Variants in RGS9 observed in about 807,000 individuals in gnomAD.
RGS9 encodes the protein regulator of G-protein signalling 9.
In RGS9, 78 loss-of-function variants were observed where a neutral mutation model predicts 102.0. That is an observed-to-expected ratio of 0.76 (90% CI 0.64 to 0.92). The LOEUF is 0.92. Among genes scored for constraint, RGS9 ranks in the 40% least tolerant of loss-of-function variants. The probability of loss-of-function intolerance (pLI) is 0.00; values close to 1 mark genes in which losing one functional copy is unlikely to be tolerated. For synonymous variants in RGS9, 353 were observed against 318.6 expected (o/e 1.11, Z -1.15); for missense variants, 833 against 866.1 (o/e 0.96, Z 0.48).
intron 4 of RGS9, 22 bp from the exon 5 acceptor site, chr17:65,160,514 G>A (rs1277911324): frequency 6.2e-6 from 10 of 1,614,162 alleles, no homozygotes; most frequent in Admixed American, 1.7e-5. Context: ...TTAAAGCGTG[G>A]TTTCCCTGGT....
chr17:65,161,170 C>T (rs573627921), intron 6 of RGS9, among the ~76,000 whole-genome samples: 73 of 152,362 alleles, frequency 4.8e-4, no homozygotes, highest in African/African-American at 1.7e-3. Flanking sequence ...CTACCCACTT[C>T]CTTTTGCCAT....
In RGS9 at chr17:65,177,789, G is replaced by A; in HGVS notation, c.640G>A (p.Val214Ile). Residue 214 changes from valine to isoleucine, a missense_variant, in exon 9 of 19, where the codon GTC becomes ATC. This residue lies in a region of RGS9 where 328 missense variants were observed against 340.6 expected (regional missense o/e 0.96). Coordinates refer to ENST00000262406, the MANE Select transcript of RGS9 (RefSeq NM_003835.4). ...GLDRVTNPNE[V>I]KVNQKQTVVA... ...GGACCGAGTGACCAATCCGAATGAA[G>A]TCAAGGTAAACCAGGTATGTCTCTG... 2 of 1,614,218 alleles carry A rather than the reference G, an allele frequency of 1.2e-6. No homozygotes were observed. The highest frequency in any genetic ancestry group is 1.7e-6 in the Non-Finnish European group (2 of 1,180,006).
At chr17:65,210,848 T>C (rs1913266735) in intron 17 of RGS9, among the ~76,000 whole-genome samples, 1 of 152,070 alleles carries the variant, frequency 6.6e-6, no homozygotes, top group Non-Finnish European at 1.5e-5. Context: ...CCAAGCCCAC[T>C]CATCAGGGGA....
At position 65,197,656 on chromosome 17, in the gene RGS9, T is replaced by TTTTC. The variant is rs1340166478; in HGVS notation, c.976+419_976+422dup. On this transcript the variant is annotated intron_variant, in intron 13 of 18. Coordinates refer to ENST00000262406, the MANE Select transcript of RGS9 (RefSeq NM_003835.4). Reference sequence around the variant, plus strand: ...TTTTGTCTCCCAGCCTGATTTTCTTTTTTCTTTGTTTCTTTCTTTTTTTTT... The same window carrying TTTTC: ...TTTTGTCTCCCAGCCTGATTTTCTTTTTTCTTTCTTTGTTTCTTTCTTTTTTTTT... Among the ~76,000 whole-genome samples the TTTTC allele has an allele frequency of 7.2e-5, 11 of 152,104 alleles. No homozygotes were observed. The South Asian group carries it at 1.0e-3, about 14-fold the overall frequency.
Position 65,225,059 on chromosome 17 carries a change from C to A in RGS9, c.1465C>A (p.Pro489Thr). ...GACCGTGTACACCGGGACCTGCATG[C>A]CCCCGTCTCCTTCTAGCCCCTTCTC... ...HLTVYTGTCM[P>T]PSPSSPFSSS... Residue 489 changes from proline (P) to threonine (T), a missense_variant, in exon 18 of 19, where the codon CCC (proline) becomes ACC (threonine). Around this residue, in one of 3 missense-constraint regions of RGS9, gnomAD observed 320 missense variants for 276.8 expected, o/e 1.16. Transcript: ENST00000262406. 2 of 1,613,888 alleles carry A rather than the reference C, an allele frequency of 1.2e-6. No homozygotes were observed. Among genetic ancestry groups the A allele is most frequent in the Non-Finnish European group, 1.7e-6 (2 of 1,179,920 alleles).
chr17:65,185,462 A>G (rs1598597287), intron 9 of RGS9: 1 of 153,032 alleles, frequency 6.5e-6, no homozygotes, highest in Middle Eastern at 3.4e-3. Flanking sequence ...GGAATTGGGC[A>G]TCAGTTTCTG....
intron 9 of RGS9, among the ~76,000 whole-genome samples, chr17:65,179,635 CTGTGTGTGTGTG>C (rs56275900): frequency 0.023 from 2,822 of 125,082 alleles, 25 homozygotes; most frequent in South Asian, 0.044. Flanking sequence ...TACTGCTCAG[CTGTGTGTGTGTG>C]TGTGTGTGTG....
intron 7 of RGS9, among the ~76,000 whole-genome samples, chr17:65,165,077 A>T (rs1440190429): frequency 6.6e-6 from 1 of 152,098 alleles, no homozygotes; most frequent in Non-Finnish European, 1.5e-5. Context: ...GGACACAGAG[A>T]TGGGTAAGAT....
chr17:65,179,808 C>T (rs1180097117), intron 9 of RGS9, among the ~76,000 whole-genome samples: 2 of 152,044 alleles, frequency 1.3e-5, no homozygotes, highest in Non-Finnish European at 2.9e-5. Flanking sequence ...GAGGAGGCAT[C>T]TTTGTGCTCC....
At chr17:65,144,619 G>C (rs1377718841) in intron 1 of RGS9, among the ~76,000 whole-genome samples, 2 of 152,222 alleles carry the variant, frequency 1.3e-5, no homozygotes, top group South Asian at 2.1e-4. Flanking sequence ...GTCTGTTTGG[G>C]AGTGAGAGTG....
At chr17:65,138,813 A>G (rs796188929) in intron 1 of RGS9, among the ~76,000 whole-genome samples, 15 of 152,152 alleles carry the variant, frequency 9.9e-5, no homozygotes, top group African/African-American at 3.4e-4. Context: ...TCAAGAGATA[A>G]ATTCAGTTTG....
In RGS9 at chr17:65,173,946, T is replaced by C. The variant is rs897457273; in HGVS notation, c.583-3786T>C. Among the ~76,000 whole-genome samples the C allele has an allele frequency of 8.5e-5, 13 of 152,148 alleles. No homozygotes were observed. The highest frequency in any genetic ancestry group is 2.6e-4 in the Admixed American group (4 of 15,274). On this transcript the variant is annotated intron_variant, in intron 8 of 18. Coordinates refer to ENST00000262406, the MANE Select transcript of RGS9 (RefSeq NM_003835.4). This position sits in a 1 kb window ranked among gnomAD's most constrained non-coding sequence, Gnocchi z 4.8. ...GAACTGGAAAAGGACCACAGCTTGA[T>C]TGGGAACAACTGAGACTTAAGGGCT...
At chr17:65,145,651 T>C (rs1008884739) in intron 1 of RGS9, among the ~76,000 whole-genome samples, 2 of 152,002 alleles carry the variant, frequency 1.3e-5, no homozygotes, top group Middle Eastern at 3.4e-3. Context: ...CATCTCAGCC[T>C]CCCAAATTGC....
At chr17:65,145,851 G>A (rs1910338411) in intron 1 of RGS9, among the ~76,000 whole-genome samples, 1 of 150,498 alleles carries the variant, frequency 6.6e-6, no homozygotes, top group South Asian at 2.1e-4. Context: ...CGCCTCAGAG[G>A]AATTTGTACG....
chr17:65,160,956 T>C (rs769550434), intron 6 of RGS9, 47 bp downstream of exon 6: 2 of 1,485,814 alleles, frequency 1.3e-6, no homozygotes, highest in African/African-American at 2.8e-5. Flanking sequence ...GAGTGGAAGA[T>C]AGTTTTGAGC....
rs1913687231 is a variant in RGS9, at chr17:65,220,988, G to C, written c.1408-4014G>C. On this transcript the variant is annotated intron_variant, in intron 17 of 18. Coordinates refer to ENST00000262406, the MANE Select transcript of RGS9 (RefSeq NM_003835.4). ...GCTGCCTCACACCAATGGTAGGTGG[G>C]GCATGGGCTGGAGGGGCTGGGTCTC... 1.3e-5 allele frequency among the ~76,000 whole-genome samples: 2 copies of C among 152,190 alleles called. 1 individual carries two copies. Among genetic ancestry groups the C allele is most frequent in the South Asian group, 4.1e-4 (2 of 4,824 alleles).
Position 65,189,458 on chromosome 17 carries a change from A to G in RGS9, c.684+143A>G, listed in dbSNP as rs543479524. 2.5e-4 allele frequency: 185 copies of G among 733,770 alleles called. No individual in the cohort carries two copies. In the African/African-American group the frequency reaches 3.1e-3, roughly 12 times the overall value. 45.5% of individuals were successfully genotyped at this position (733,770 alleles called of 1,614,324 possible). A position where few individuals can be genotyped will look rare whatever the true frequency, so the allele number is the denominator to read the frequency against. On this transcript the variant is annotated intron_variant, in intron 10 of 18. Transcript: ENST00000262406. ...AATTATTTCCAAATTCACGGACAGC[A>G]CAGAGTGACGAAGCATCTTCTGTAA...
rs924052876 is a variant in RGS9 at position 65,173,606 on chromosome 17, G to A, written c.583-4126G>A. On this transcript the variant is annotated intron_variant, in intron 8 of 18. Transcript: ENST00000262406. This position sits in a 1 kb window ranked among gnomAD's most constrained non-coding sequence, Gnocchi z 4.8. ...TCCTCAGGGTGGAGGAGGGGAGCTT[G>A]CATGTCTCTGAAGGCTTCCTGCATG... Among the ~76,000 whole-genome samples the A allele has an allele frequency of 2.0e-5, 3 of 152,358 alleles. No individual in the cohort carries two copies. The East Asian group carries it at 5.8e-4, about 29-fold the overall frequency.
In RGS9 at chr17:65,199,774, G is replaced by A. The variant is rs543384680; in HGVS notation, c.977-2219G>A. Among the ~76,000 whole-genome samples the A allele has an allele frequency of 1.1e-4, 17 of 152,232 alleles. No individual in the cohort carries two copies. In the South Asian group the frequency reaches 1.9e-3, roughly 17 times the overall value. On this transcript the variant is annotated intron_variant, in intron 13 of 18. Transcript: ENST00000262406. Reference sequence around the variant, plus strand: ...CTCCCAAAGTGCTGGGATTACAGGCGTGAGCCACTGCGCCTGGCCACGTGG... The same window carrying A: ...CTCCCAAAGTGCTGGGATTACAGGCATGAGCCACTGCGCCTGGCCACGTGG...
Sources: gnomAD v4.1 joint callset for allele counts (sites outside exome capture counted in the v4.1 genomes callset) on GRCh38, gnomAD v4.1.1 for gene constraint, gnomAD v4.1.1 regional missense constraint, Gnocchi (gnomAD v3.1) non-coding constraint, MANE v1.5 for transcripts, NCBI Gene and HGNC (gene_info 2026-07-23, HGNC 2026-07-21) for gene names.